The following RBM20 variants were observed in gnomAD, a reference collection of about 807,000 sequenced individuals.
RBM20 encodes RNA binding motif protein 20.
RBM20 carries 51 observed loss-of-function variants against 110.1 expected under a neutral mutation model. That is an observed-to-expected ratio of 0.46 (90% CI 0.37 to 0.59). The LOEUF is 0.59. RBM20 is among the 20% of genes least tolerant of loss of function. The pLI, the probability that RBM20 is intolerant of heterozygous loss-of-function variation, is 0.00. For synonymous variants in RBM20, 589 were observed against 618.2 expected (o/e 0.95, Z 0.70); for missense variants, 1,512 against 1,574.9 (o/e 0.96, Z 0.68).
At chr10:110,802,295 A>G (rs1285679582) in intron 7 of RBM20, among the ~76,000 whole-genome samples, 14 of 151,654 alleles carry the variant, frequency 9.2e-5, no homozygotes, top group Admixed American at 7.9e-4. Flanking sequence ...CACTGTGTCA[A>G]CCAGCTTCCA....
rs747651241 is a variant in RBM20 at position 110,781,722 on chromosome 10, C to T, written c.1113C>T (p.Ser371=). The change falls in exon 2 of 14, where the codon AGC becomes AGT. Residue 371 remains serine, a synonymous_variant. Coordinates refer to ENST00000369519, the MANE Select transcript of RBM20 (RefSeq NM_001134363.3). ...PPSFGGRLNN[S]KQGFIGAGRR... ...CCTTCGGGGGTCGGCTTAACAACAG[C>T]AAACAGGGTTTTATCGGTGCTGGGC... 1.2e-5 allele frequency: 18 copies of T among 1,551,446 alleles called. No individual in the cohort carries two copies. The African/African-American group carries it at 2.2e-4, about 19-fold the overall frequency.
intron 1 of RBM20, among the ~76,000 whole-genome samples, chr10:110,661,637 C>T (rs773107438): frequency 4.6e-5 from 7 of 152,158 alleles, no homozygotes; most frequent in Non-Finnish European, 8.8e-5. Context: ...GCTGCCTTCT[C>T]TGTAAGAAAG....
intron 7 of RBM20, among the ~76,000 whole-genome samples, chr10:110,805,456 A>G (rs533158225): frequency 1.2e-4 from 19 of 152,176 alleles, no homozygotes; most frequent in Non-Finnish European, 2.4e-4. Context: ...GGACTCTTGA[A>G]GTGTGTAAAA....
chr10:110,799,770 C>T lies in RBM20; in HGVS notation c.1669-17C>T, dbSNP rs1844597572. 9 of 1,540,658 alleles carry T rather than the reference C, an allele frequency of 5.8e-6. No individual in the cohort carries two copies. The highest frequency in any genetic ancestry group is 1.2e-5 in the South Asian group (1 of 82,830). On this transcript the variant is annotated splice_polypyrimidine_tract_variant and intron_variant, in intron 6 of 13. Transcript: ENST00000369519. ...ATTAAAGTCAAGTCCAGTGAGTGTC[C>T]TTCCTTTCTTTCTTAGGCCTTTTTA...
intron 1 of RBM20, among the ~76,000 whole-genome samples, chr10:110,763,411 C>T (rs563294435): frequency 6.6e-6 from 1 of 151,940 alleles, no homozygotes; most frequent in South Asian, 2.1e-4. Context: ...AGGAATATAC[C>T]CTATTGACTG....
rs760246427 is a variant in RBM20 at position 110,758,014 on chromosome 10, CTTTTTTT to C, written c.192-22769_192-22763del. ...AGAAAAGACAGGCAAGATCCTTGTT[CTTTTTTT>C]TTTTTTTTTTTTTTTTTGAGACAGG... is the stretch of plus-strand genomic sequence containing the variant. On this transcript the variant is annotated intron_variant, in intron 1 of 13. Transcript: ENST00000369519. Among the ~76,000 whole-genome samples the C allele has an allele frequency of 1.2e-3, 93 of 79,906 alleles. 1 individual carries two copies. The East Asian group carries it at 0.032, about 27-fold the overall frequency. 52.4% of individuals were successfully genotyped at this position (79,906 alleles called of 152,430 possible).
chr10:110,805,697 C>T (rs1408119919), intron 7 of RBM20, among the ~76,000 whole-genome samples: 1 of 152,202 alleles, frequency 6.6e-6, no homozygotes, highest in East Asian at 1.9e-4. Flanking sequence ...GCTGCTCTTC[C>T]TGGGTTGAGA....
intron 1 of RBM20, among the ~76,000 whole-genome samples, chr10:110,660,002 G>C (rs1590600559): frequency 6.6e-6 from 1 of 151,486 alleles, no homozygotes; most frequent in Admixed American, 6.6e-5. Context: ...TTTTTTTGTA[G>C]AGTCCGGTTT....
chr10:110,790,311 C>T (rs773452087), intron 5 of RBM20, among the ~76,000 whole-genome samples: 6 of 152,224 alleles, frequency 3.9e-5, no homozygotes, highest in Non-Finnish European at 7.3e-5. Context: ...CAGCCGCCTC[C>T]CCACCATTCC....
rs61281177 is a variant in RBM20, at chr10:110,801,700, CT to C, written c.1800+1801del. ...AGGCACACACCACCATGCCTGGCTA[CT>C]TTTTTTTTTTTTTTTTTTGTATTTT... is the stretch of plus-strand genomic sequence containing the variant. On this transcript the variant is annotated intron_variant, in intron 7 of 13. Coordinates refer to ENST00000369519, the MANE Select transcript of RBM20 (RefSeq NM_001134363.3). 2.6e-3 allele frequency among the ~76,000 whole-genome samples: 307 copies of C among 116,740 alleles called. 2 individuals carry two copies. Among genetic ancestry groups the C allele is most frequent in the Non-Finnish European group, 3.6e-3 (215 of 59,160 alleles). The allele number at this position is 116,740 out of a possible 152,430, so 76.6% of individuals were successfully genotyped here.
At chr10:110,825,840 A>G (rs1466277492) in intron 12 of RBM20, among the ~76,000 whole-genome samples, 1 of 152,230 alleles carries the variant, frequency 6.6e-6, no homozygotes, top group African/African-American at 2.4e-5. Context: ...CCTATGAGGT[A>G]GGTGCTGTTT....
intron 1 of RBM20, among the ~76,000 whole-genome samples, chr10:110,740,719 A>G (rs1269722313): frequency 2.0e-5 from 3 of 152,132 alleles, no homozygotes; most frequent in Admixed American, 6.5e-5. Context: ...ACCTTTATTC[A>G]TCCCCTTACT....
At chr10:110,803,373 C>G (rs1194919136) in intron 7 of RBM20, among the ~76,000 whole-genome samples, 1 of 152,146 alleles carries the variant, frequency 6.6e-6, no homozygotes, top group Non-Finnish European at 1.5e-5. Flanking sequence ...AGGTAATTTG[C>G]TTATAGTCAC....
Position 110,781,109 on chromosome 10 carries a change from A to G in RBM20, c.500A>G (p.Asn167Ser). ...AAIPSTRFPS[N>S]AIAFSPPSQT... ...ATACCCAGTACCCGGTTTCCCTCTA[A>G]TGCAATTGCCTTTTCACCCCCCAGC... Residue 167 changes from asparagine (N) to serine (S), a missense_variant, in exon 2 of 14, where the codon AAT becomes AGT. Physicochemically the swap from Asn to Ser is conservative, Grantham distance 46. Coordinates refer to ENST00000369519, the MANE Select transcript of RBM20 (RefSeq NM_001134363.3). The G allele has an allele frequency of 6.4e-7, 1 of 1,551,700 alleles. No homozygotes were observed.
intron 1 of RBM20, among the ~76,000 whole-genome samples, chr10:110,711,724 A>G (rs1022659101): frequency 2.0e-5 from 3 of 152,254 alleles, no homozygotes; most frequent in Non-Finnish European, 4.4e-5. Flanking sequence ...AGTCTGATCC[A>G]GAAGAATTAT....
chr10:110,824,588 GGAGGGAGTTTACT>G (rs1844959978), intron 12 of RBM20, among the ~76,000 whole-genome samples: 1 of 152,162 alleles, frequency 6.6e-6, no homozygotes, highest in Non-Finnish European at 1.5e-5. Flanking sequence ...AATGAAGTGG[GGAGGGAGTTTACT>G]GATGGAATCA....
intron 1 of RBM20, among the ~76,000 whole-genome samples, chr10:110,711,790 G>C (rs7900022): frequency 0.023 from 3,428 of 152,316 alleles, 113 homozygotes; most frequent in African/African-American, 0.074. Flanking sequence ...TACAATGCTA[G>C]GTACTAGGAA....
At chr10:110,672,251 C>T (rs985055629) in intron 1 of RBM20, among the ~76,000 whole-genome samples, 3 of 152,214 alleles carry the variant, frequency 2.0e-5, no homozygotes, top group Non-Finnish European at 4.4e-5. Context: ...AGACTTCGGC[C>T]CCTGGTGGCC....
intron 1 of RBM20, among the ~76,000 whole-genome samples, chr10:110,764,414 C>T (rs1361959887): frequency 6.6e-6 from 1 of 152,230 alleles, no homozygotes; most frequent in African/African-American, 2.4e-5. Flanking sequence ...TTCTGAAGTG[C>T]TCTCAGGAGA....
Sources: gnomAD v4.1 joint callset for allele counts (sites outside exome capture counted in the v4.1 genomes callset) on GRCh38, gnomAD v4.1.1 for gene constraint, MANE v1.5 for transcripts, NCBI Gene and HGNC (gene_info 2026-07-23, HGNC 2026-07-21) for gene names.